Variants in SPATA7 observed in about 807,000 individuals in gnomAD.
SPATA7 encodes spermatogenesis-associated protein 7.
Under a neutral mutation model 51.8 loss-of-function variants are expected in SPATA7, and 43 were observed. The ratio of observed to expected loss-of-function variants is 0.83; its 90% CI spans 0.65 to 1.07. The LOEUF (loss-of-function observed/expected upper bound fraction) is 1.07. Among genes scored for constraint, SPATA7 ranks in the 50% least tolerant of loss-of-function variants. The pLI, the probability that SPATA7 is intolerant of heterozygous loss-of-function variation, is 0.00. For synonymous variants in SPATA7, 230 were observed against 252.8 expected, an observed-to-expected ratio of 0.91 and a Z score of 0.86; for missense variants, 683 against 701.3, an observed-to-expected ratio of 0.97 and a Z score of 0.30.
At chr14:88,391,129 A>C (rs1015123100) in intron 1 of SPATA7, among the ~76,000 whole-genome samples, 1 of 152,178 alleles carries the variant, frequency 6.6e-6, no homozygotes, top group Admixed American at 6.5e-5. Flanking sequence ...ACCTGATAGC[A>C]AACTAGCCAT....
intron 10 of SPATA7, among the ~76,000 whole-genome samples, chr14:88,435,240 T>G (rs2077052227): frequency 6.6e-6 from 1 of 152,214 alleles, no homozygotes; most frequent in South Asian, 2.1e-4. Context: ...AACTTTTAAA[T>G]TATTATGTGG....
At chr14:88,434,406 G>T (rs971608781) in intron 10 of SPATA7, among the ~76,000 whole-genome samples, 3 of 152,098 alleles carry the variant, frequency 2.0e-5, no homozygotes, top group African/African-American at 7.2e-5. Context: ...ACAAAATAGG[G>T]CTGGGCGCAG....
chr14:88,420,255 C>T (rs754656329), intron 5 of SPATA7, among the ~76,000 whole-genome samples: 11 of 152,068 alleles, frequency 7.2e-5, no homozygotes, highest in South Asian at 2.1e-4. Context: ...TCCTCAGGTC[C>T]GGTACAGACC....
At chr14:88,445,392 CA>C (rs1432780457) in intron 3 of SPATA7, among the ~76,000 whole-genome samples, 1 of 152,048 alleles carries the variant, frequency 6.6e-6, no homozygotes, top group Non-Finnish European at 1.5e-5. Flanking sequence ...TGGGCTGAGA[CA>C]ATGGGGTTTT....
chr14:88,388,397 A>C (rs2075641573), intron 1 of SPATA7, among the ~76,000 whole-genome samples: 1 of 152,184 alleles, frequency 6.6e-6, no homozygotes, highest in Non-Finnish European at 1.5e-5. Flanking sequence ...TTCACCACTA[A>C]GACCTTCAAT....
chr14:88,443,182 G>A (rs147651422), downstream of SPATA7, among the ~76,000 whole-genome samples: 4,120 of 152,022 alleles, frequency 0.027, 180 homozygotes, highest in African/African-American at 0.09. Context: ...TGACCTCGTG[G>A]TCCACCCGCC....
Position 88,398,081 on chromosome 14 carries a change from CAAA to C in SPATA7, c.238+1888_238+1890del, listed in dbSNP as rs34493988. On this transcript the variant is annotated intron_variant, in intron 4 of 11. Coordinates refer to ENST00000393545, the MANE Select transcript of SPATA7 (RefSeq NM_018418.5). ...TGGGCGAGAGAGCAAGACACCGTCT[CAAA>C]AAAAAAAAAGAAATGTATCCTTTAA... Among the ~76,000 whole-genome samples the C allele has an allele frequency of 1.2e-3, 163 of 139,426 alleles. 2 individuals carry two copies. In the East Asian group the frequency reaches 0.025, roughly 21 times the overall value. The allele number at this position is 139,426 out of a possible 152,430, so 91.5% of individuals were successfully genotyped here.
At position 88,433,221 on chromosome 14, in the gene SPATA7, T is replaced by C; in HGVS notation, c.1160+9T>C. The stretch of plus-strand genomic sequence containing the variant: ...GGTTTATTTTCAAACAGGTTAGTTT[T>C]TTTAATGGTGTTATGTTAATTCAGG... On this transcript the variant is annotated intron_variant, in intron 10 of 11. Coordinates refer to ENST00000393545, the MANE Select transcript of SPATA7 (RefSeq NM_018418.5). The C allele has an allele frequency of 6.4e-7, 1 of 1,569,420 alleles. No homozygotes were observed. The highest frequency in any genetic ancestry group is 8.7e-7 in the Non-Finnish European group (1 of 1,142,908).
chr14:88,454,098 A>G (rs1012864802), intron 3 of SPATA7, among the ~76,000 whole-genome samples: 3 of 152,208 alleles, frequency 2.0e-5, no homozygotes. Flanking sequence ...TTGCTGCTGT[A>G]ACAAGTTACC....
downstream of SPATA7, among the ~76,000 whole-genome samples, chr14:88,457,286 G>C (rs145700028): frequency 6.6e-6 from 1 of 152,068 alleles, no homozygotes; most frequent in African/African-American, 2.4e-5. Context: ...CTTGATGAGG[G>C]TGGCATTGAA....
chr14:88,457,487 A>G (rs539997631), downstream of SPATA7, among the ~76,000 whole-genome samples: 12 of 151,076 alleles, frequency 7.9e-5, no homozygotes, highest in Non-Finnish European at 1.2e-4. Context: ...CTTTGAAGCA[A>G]CTGTGAATGG....
rs1188631024 is a variant in SPATA7 at position 88,416,779 on chromosome 14, A to T, written c.307A>T (p.Thr103Ser). 6.2e-7 allele frequency: 1 copy of T among 1,611,564 alleles called. No homozygotes were observed. ...LAQCEKEFKL[T>S]KTAMRANYKN... ...ACAATGTGAAAAAGAGTTCAAATTA[A>T]CTAAAACTGCAATGCGAGCCAATTA... Residue 103 changes from threonine to serine, a missense_variant, in exon 5 of 12, where the codon ACT (threonine) becomes TCT (serine). By Grantham distance (58) the Thr-to-Ser change is moderately conservative (BLOSUM62 1). Transcript: ENST00000393545.
chr14:88,461,285 C>T (rs369794499), intron 4 of SPATA7, among the ~76,000 whole-genome samples: 13 of 152,176 alleles, frequency 8.5e-5, no homozygotes, highest in South Asian at 4.1e-4. Context: ...GCCTTTTGTT[C>T]GGCTATGACC....
At chr14:88,431,327 T>A in intron 9 of SPATA7, 102 bp downstream of exon 9, 1 of 1,144,360 alleles carries the variant, frequency 8.7e-7, no homozygotes, top group Non-Finnish European at 1.3e-6. Flanking sequence ...ATCTCTTTTT[T>A]TAAAACTGGC....
At position 88,469,522 on chromosome 14, in the gene SPATA7, G is replaced by A. The variant is rs1234712150; in HGVS notation, c.255-325G>A. ...ACATAAAAATCCCTTGAGGTCTTCT[G>A]GACAGCCATGTTCAGGCCAGTCTGT... On this transcript the variant is annotated intron_variant, in intron 4 of 4. Transcript: ENST00000556406. The surrounding 1 kb of genome is among the most constrained non-coding windows in gnomAD (Gnocchi z 4.3). 1 of 1,613,914 alleles carries A rather than the reference G, an allele frequency of 6.2e-7. No homozygotes were observed.
chr14:88,461,300 C>T (rs975372308), intron 4 of SPATA7, among the ~76,000 whole-genome samples: 3 of 152,176 alleles, frequency 2.0e-5, no homozygotes, highest in Non-Finnish European at 4.4e-5. Context: ...ATGACCTGCC[C>T]CCAGAGGTGG....
chr14:88,428,057 CT>C (rs572137417), intron 7 of SPATA7: 3,227 of 149,056 alleles, frequency 0.022, 69 homozygotes, highest in African/African-American at 0.058. Context: ...GTTTTTATAC[CT>C]TTTTTTTTTT....
chr14:88,454,294 G>A (rs1022500517), intron 3 of SPATA7, among the ~76,000 whole-genome samples: 19 of 152,034 alleles, frequency 1.2e-4, no homozygotes, highest in African/African-American at 4.6e-4. Context: ...AATTGTGGAG[G>A]ATCTTTAAAT....
downstream of SPATA7, among the ~76,000 whole-genome samples, chr14:88,457,125 T>A (rs1361971109): frequency 1.3e-5 from 2 of 152,216 alleles, no homozygotes; most frequent in Non-Finnish European, 2.9e-5. Context: ...TTGGTTACTA[T>A]AGCCTTGTAG....
Sources: gnomAD v4.1 joint callset for allele counts (sites outside exome capture counted in the v4.1 genomes callset) on GRCh38, gnomAD v4.1.1 for gene constraint, Gnocchi (gnomAD v3.1) non-coding constraint, MANE v1.5 for transcripts, NCBI Gene and HGNC (gene_info 2026-07-23, HGNC 2026-07-21) for gene names.